ACSL4: variants seen among roughly 807,000 people sequenced by gnomAD.
The protein encoded by ACSL4 is long-chain-fatty-acid--CoA ligase 4.
In ACSL4, 9 loss-of-function variants were observed where a neutral mutation model predicts 49.1. That is an observed-to-expected ratio of 0.18 (90% CI 0.11 to 0.32). The LOEUF (loss-of-function observed/expected upper bound fraction) is 0.32. ACSL4 is among the 10% of genes least tolerant of loss of function. The probability of loss-of-function intolerance (pLI) is 1.00; values close to 1 mark genes in which losing one functional copy is unlikely to be tolerated. For synonymous variants in ACSL4, 191 were observed against 170.3 expected (o/e 1.12, Z -0.95); for missense variants, 333 against 493.7 (o/e 0.67, Z 3.08).
intron 1 of ACSL4, among the ~76,000 whole-genome samples, chrX:109,725,553 G>A (rs780561253): frequency 1.9e-4 from 21 of 110,576 alleles, no homozygotes; most frequent in Admixed American, 5.8e-4. Context: ...ACGAGGTCAG[G>A]AGATCGAGAC....
rs148660652 is a variant in ACSL4, at chrX:109,712,535, T to G, written c.-65-16339A>C. Among the ~76,000 whole-genome samples, 133 of 112,327 alleles carry G rather than the reference T, an allele frequency of 1.2e-3. 3 individuals carry two copies. The highest frequency in any genetic ancestry group is 4.2e-3 in the African/African-American group (130 of 30,960). ...TTTCACATCCTATATTCCAAAGCTT[T>G]ATTAAAATAAGGGTATCACAGCAAA... On this transcript the variant is annotated intron_variant, in intron 1 of 15. Transcript: ENST00000672401.
At position 109,645,570 on chromosome X, in the gene ACSL4, GA is replaced by G. The variant is rs1235541549; in HGVS notation, c.1856-1385del. On this transcript the variant is annotated intron_variant, in intron 15 of 15. Coordinates refer to ENST00000672401, the MANE Select transcript of ACSL4 (RefSeq NM_001318510.2). The stretch of plus-strand genomic sequence containing the variant: ...AAGTAGATAAAACCACAAAGATGGG[GA>G]AAAAACAGAGCAGAGAAACTGGAAA... 2.7e-5 allele frequency among the ~76,000 whole-genome samples: 3 copies of G among 111,918 alleles called. 1 individual carries two copies. Among genetic ancestry groups the G allele is most frequent in the Non-Finnish European group, 5.6e-5 (3 of 53,209 alleles).
At chrX:109,690,568 C>G in intron 2 of ACSL4, among the ~76,000 whole-genome samples, 1 of 111,235 alleles carries the variant, frequency 9.0e-6, no homozygotes. Flanking sequence ...TTAAGTTGCC[C>G]AAGATAGCAC....
intron 15 of ACSL4, among the ~76,000 whole-genome samples, chrX:109,656,977 A>G (rs768255828): frequency 2.8e-4 from 31 of 111,470 alleles, no homozygotes; most frequent in South Asian, 1.9e-3. Flanking sequence ...CATCTTGCCA[A>G]TCATGCTTCC....
chrX:109,726,857 T>TTGG (rs771511458), intron 1 of ACSL4, among the ~76,000 whole-genome samples: 105 of 108,836 alleles, frequency 9.6e-4, no homozygotes, highest in Non-Finnish European at 1.7e-3. Flanking sequence ...TTTGTTGTTT[T>TTGG]TTGTTGTTGT....
At chrX:109,657,459 T>C (rs1446396664) in intron 15 of ACSL4, among the ~76,000 whole-genome samples, 1 of 105,833 alleles carries the variant, frequency 9.4e-6, no homozygotes, top group Non-Finnish European at 1.9e-5. Flanking sequence ...TGAGTGAGAA[T>C]ATGCGGTGTT....
At chrX:109,697,059 AAAAAAAGAAAAG>A (rs1460242585) in intron 1 of ACSL4, among the ~76,000 whole-genome samples, 1 of 112,422 alleles carries the variant, frequency 8.9e-6, no homozygotes, top group African/African-American at 3.2e-5. Context: ...AACAAGAAAG[AAAAAAAGAAAAG>A]AAAAAAGAAA....
chrX:109,668,040 T>G, intron 11 of ACSL4, 61 bp downstream of exon 11: 1 of 881,894 alleles, frequency 1.1e-6, no homozygotes, highest in Non-Finnish European at 1.7e-6. Context: ...CCAAAGGTAA[T>G]GCGAATGTAT....
intron 15 of ACSL4, among the ~76,000 whole-genome samples, chrX:109,645,153 A>G (rs760218933): frequency 8.8e-6 from 1 of 113,315 alleles, no homozygotes; most frequent in Non-Finnish European, 1.9e-5. Flanking sequence ...GGAAGCTCCA[A>G]CTGGGTGGAG....
intron 1 of ACSL4, among the ~76,000 whole-genome samples, chrX:109,732,063 A>G (rs1048353703): frequency 2.7e-5 from 3 of 112,730 alleles, no homozygotes; most frequent in Non-Finnish European, 5.6e-5. Flanking sequence ...TCAAAACACT[A>G]GAAGGAACCT....
chrX:109,663,426 G>C, intron 12 of ACSL4, 24 bp from the exon 13 acceptor site: 2 of 1,162,419 alleles, frequency 1.7e-6, no homozygotes, highest in Non-Finnish European at 2.3e-6. Context: ...AAGTAAATTA[G>C]TTATTGTTCT....
At chrX:109,650,061 A>G (rs1167170279) in intron 15 of ACSL4, among the ~76,000 whole-genome samples, 3 of 111,596 alleles carry the variant, frequency 2.7e-5, no homozygotes, top group Non-Finnish European at 5.6e-5. Context: ...AAATAGGGAC[A>G]CTTTTACACT....
At chrX:109,649,546 A>G (rs1274428921) in intron 15 of ACSL4, among the ~76,000 whole-genome samples, 1 of 112,037 alleles carries the variant, frequency 8.9e-6, no homozygotes, top group Non-Finnish European at 1.9e-5. Context: ...TAAAGACTTA[A>G]ACGTTAGACC....
chrX:109,688,053 C>A (rs1301611303), intron 2 of ACSL4, among the ~76,000 whole-genome samples: 1 of 112,017 alleles, frequency 8.9e-6, no homozygotes, highest in African/African-American at 3.2e-5. Context: ...TGCAGAGAGA[C>A]CACACCGCAC....
intron 2 of ACSL4, among the ~76,000 whole-genome samples, chrX:109,695,144 A>C (rs1455977161): frequency 1.8e-5 from 2 of 110,359 alleles, no homozygotes; most frequent in Non-Finnish European, 3.8e-5. Flanking sequence ...CAGGAGTTTG[A>C]GACCAGCCTG....
At chrX:109,650,255 T>C (rs1449767012) in intron 15 of ACSL4, among the ~76,000 whole-genome samples, 2 of 110,526 alleles carry the variant, frequency 1.8e-5, no homozygotes, top group Admixed American at 9.7e-5. Flanking sequence ...TTATTCACAA[T>C]AGCAAAGACT....
At chrX:109,662,559 C>T (rs1740288458) in intron 13 of ACSL4, among the ~76,000 whole-genome samples, 1 of 110,784 alleles carries the variant, frequency 9.0e-6, no homozygotes, top group Admixed American at 9.6e-5. Flanking sequence ...TAACTTTTGC[C>T]TCATCCAAGT....
In ACSL4 at chrX:109,685,570, C is replaced by T. The variant is rs753150804; in HGVS notation, c.-12-2195G>A. ...AGACTGACAGACTTAATTCAATTGA[C>T]CCCAGGCTAGTTGATTGTTTTTATA... On this transcript the variant is annotated intron_variant, in intron 2 of 15. Coordinates refer to ENST00000672401, the MANE Select transcript of ACSL4 (RefSeq NM_001318510.2). 14 of 111,483 alleles carry T rather than the reference C, an allele frequency of 1.3e-4. 3 individuals are homozygous for T. The highest frequency in any genetic ancestry group is 1.1e-3 in the South Asian group (3 of 2,670). 9.2% of individuals were successfully genotyped at this position (111,483 alleles called of 1,213,427 possible).
At chrX:109,677,879 C>A in intron 8 of ACSL4, 109 bp downstream of exon 8, 1 of 1,080,092 alleles carries the variant, frequency 9.3e-7, no homozygotes, top group South Asian at 1.9e-5. Flanking sequence ...ATTTTGAGGT[C>A]AAGGAGAAAG....
Sources: allele counts gnomAD v4.1 joint callset (sites outside exome capture counted in the v4.1 genomes callset), GRCh38; gene constraint gnomAD v4.1.1; transcripts MANE v1.5; gene names NCBI Gene and HGNC (gene_info 2026-07-23, HGNC 2026-07-21).